Variants in GALNT13 observed in about 807,000 individuals in gnomAD.
GALNT13 encodes the protein UDP-GalNAc:polypeptide N-acetylgalactosaminyltransferase 13.
GALNT13 carries 28 observed loss-of-function variants against 64.2 expected under a neutral mutation model. The ratio of observed to expected loss-of-function variants is 0.44; its 90% confidence interval spans 0.32 to 0.60. GALNT13 has a LOEUF of 0.60. GALNT13 is among the 20% of genes least tolerant of loss of function. The probability of loss-of-function intolerance (pLI) is 0.05; values close to 1 mark genes in which losing one functional copy is unlikely to be tolerated. For missense variants in GALNT13, 577 were observed against 669.8 expected (o/e 0.86, Z 1.53); for synonymous variants, 214 against 224.6 (o/e 0.95, Z 0.42).
rs995919046 is a variant in GALNT13, at chr2:154,376,539, G to A, written c.1157-19452G>A. ...AATAAATTTTTTAAAAGTACACAGA[G>A]TACAACATTTTAGTGTCTGAGTCTT... On this transcript the variant is annotated intron_variant, in intron 9 of 12. Transcript: ENST00000392825. Among the ~76,000 whole-genome samples, 3 of 152,002 alleles carry A rather than the reference G, an allele frequency of 2.0e-5. No individual in the cohort carries two copies. The East Asian group carries it at 5.8e-4, about 29-fold the overall frequency.
the GALNT13 span, among the ~76,000 whole-genome samples, chr2:153,717,848 T>C: frequency 2.0e-5 from 3 of 152,176 alleles, no homozygotes; most frequent in Non-Finnish European, 4.4e-5. Flanking sequence ...TATTCAACCA[T>C]GAAATCAGAA....
chr2:153,697,356 T>A, the GALNT13 span, among the ~76,000 whole-genome samples: 1 of 152,194 alleles, frequency 6.6e-6, no homozygotes, highest in Non-Finnish European at 1.5e-5. Context: ...TTTCCATATT[T>A]ACCACAGCCA....
At chr2:153,601,601 A>G in the GALNT13 span, among the ~76,000 whole-genome samples, 1 of 151,664 alleles carries the variant, frequency 6.6e-6, no homozygotes, top group South Asian at 2.1e-4. Flanking sequence ...TCATTTCCAC[A>G]TGGTCACTCC....
At chr2:153,519,396 A>C in the GALNT13 span, among the ~76,000 whole-genome samples, 5 of 152,210 alleles carry the variant, frequency 3.3e-5, no homozygotes, top group African/African-American at 9.6e-5. Flanking sequence ...AAGAGTCTAA[A>C]TAGGAAATTA....
chr2:153,626,416 G>A, the GALNT13 span, among the ~76,000 whole-genome samples: 1 of 151,970 alleles, frequency 6.6e-6, no homozygotes, highest in Non-Finnish European at 1.5e-5. Context: ...AGGATTTCTG[G>A]ATGCTATGTT....
At chr2:154,388,377 T>G (rs77997534) in intron 9 of GALNT13, among the ~76,000 whole-genome samples, 193 of 152,324 alleles carry the variant, frequency 1.3e-3, no homozygotes, top group African/African-American at 4.4e-3. Context: ...TCCTTTGCTG[T>G]GCAGAAGCTT....
At chr2:153,800,045 G>GCTCTCTCTCTCCCTCTCTCTCTCT in the GALNT13 span, among the ~76,000 whole-genome samples, 1 of 118,930 alleles carries the variant, frequency 8.4e-6, no homozygotes, top group Non-Finnish European at 1.8e-5. Flanking sequence ...CATTTAGTTT[G>GCTCTCTCTCTCCCTCTCTCTCTCT]CTCTCTCTCT....
At chr2:153,938,854 TG>T (rs752330284) in intron 2 of GALNT13, among the ~76,000 whole-genome samples, 1 of 152,150 alleles carries the variant, frequency 6.6e-6, no homozygotes, top group Non-Finnish European at 1.5e-5. Flanking sequence ...TTTCCAAATA[TG>T]GTTCCATTCT....
intron 8 of GALNT13, among the ~76,000 whole-genome samples, chr2:154,267,782 A>C (rs535028274): frequency 2.6e-5 from 4 of 152,344 alleles, no homozygotes; most frequent in South Asian, 4.1e-4. Flanking sequence ...AAAACTCTCA[A>C]AACTCAGTAA....
At chr2:154,387,193 G>T (rs1698554595) in intron 9 of GALNT13, among the ~76,000 whole-genome samples, 1 of 151,970 alleles carries the variant, frequency 6.6e-6, no homozygotes, top group Admixed American at 6.6e-5. Flanking sequence ...TAGATAAAAA[G>T]GTAGATTAAG....
At chr2:153,627,639 C>A in the GALNT13 span, among the ~76,000 whole-genome samples, 1 of 151,948 alleles carries the variant, frequency 6.6e-6, no homozygotes, top group East Asian at 1.9e-4. Context: ...TGGCAAAACC[C>A]ACAATTACTT....
intron 4 of GALNT13, among the ~76,000 whole-genome samples, chr2:154,162,028 G>A (rs567170099): frequency 4.6e-5 from 7 of 152,276 alleles, no homozygotes; most frequent in South Asian, 4.2e-4. Context: ...TGATCCGCCC[G>A]TCTCGGCCTC....
chr2:153,818,582 G>T, the GALNT13 span, among the ~76,000 whole-genome samples: 1 of 152,178 alleles, frequency 6.6e-6, no homozygotes, highest in Non-Finnish European at 1.5e-5. Flanking sequence ...GCCCCTGCCG[G>T]AACACTGTGG....
chr2:153,669,584 C>A, the GALNT13 span, among the ~76,000 whole-genome samples: 1 of 152,140 alleles, frequency 6.6e-6, no homozygotes, highest in Non-Finnish European at 1.5e-5. Context: ...ATAGGAACAG[C>A]TCTGGTCTAC....
At chr2:153,291,282 T>G in the GALNT13 span, among the ~76,000 whole-genome samples, 4 of 152,168 alleles carry the variant, frequency 2.6e-5, no homozygotes, top group Non-Finnish European at 5.9e-5. Flanking sequence ...TTTTTATTAT[T>G]TTAGCAATTT....
At chr2:153,379,458 A>T in the GALNT13 span, among the ~76,000 whole-genome samples, 15 of 152,130 alleles carry the variant, frequency 9.9e-5, no homozygotes, top group South Asian at 2.1e-4. Flanking sequence ...TCCTTTAGGG[A>T]AATTAATTTT....
At chr2:154,385,021 A>T (rs1698442372) in intron 9 of GALNT13, among the ~76,000 whole-genome samples, 1 of 134,882 alleles carries the variant, frequency 7.4e-6, no homozygotes, top group African/African-American at 2.9e-5. Context: ...AGCAGTGACG[A>T]CTACAATAAA....
chr2:153,747,203 A>G, the GALNT13 span, among the ~76,000 whole-genome samples: 1 of 152,056 alleles, frequency 6.6e-6, no homozygotes, highest in African/African-American at 2.4e-5. Context: ...TATCCTTTGT[A>G]TTACAAGCTA....
intron 4 of GALNT13, among the ~76,000 whole-genome samples, chr2:154,168,274 T>C (rs1243537366): frequency 6.6e-6 from 1 of 152,032 alleles, no homozygotes; most frequent in Non-Finnish European, 1.5e-5. Context: ...AGGGAAGACA[T>C]GATGCTTCAC....
Sources: allele counts gnomAD v4.1 joint callset (sites outside exome capture counted in the v4.1 genomes callset), GRCh38; gene constraint gnomAD v4.1.1; transcripts MANE v1.5; gene names NCBI Gene and HGNC (gene_info 2026-07-23, HGNC 2026-07-21).